Variants in VRTN observed in about 807,000 individuals in gnomAD.
VRTN encodes vertebrae development associated.
Under a neutral mutation model 18.2 loss-of-function variants are expected in VRTN, and 5 were observed. The observed-to-expected ratio is 0.27, with a 90% CI of 0.14 to 0.58. The LOEUF is 0.58. VRTN is among the 20% of genes least tolerant of loss of function. VRTN has a pLI of 0.91. For missense variants in VRTN, 741 were observed against 939.4 expected (o/e 0.79, Z 2.76); for synonymous variants, 381 against 393.7 (o/e 0.97, Z 0.38).
At chr14:74,326,583 C>CG (rs1391539505) in intron 1 of VRTN, among the ~76,000 whole-genome samples, 3 of 152,124 alleles carry the variant, frequency 2.0e-5, no homozygotes, top group Admixed American at 6.6e-5. Flanking sequence ...CTGCTGGCAG[C>CG]GGGGGCTCCA....
At chr14:74,303,557 A>T (rs1430926765) in intron 1 of VRTN, among the ~76,000 whole-genome samples, 3 of 152,224 alleles carry the variant, frequency 2.0e-5, no homozygotes, top group African/African-American at 7.2e-5. Context: ...TCTCAAAAAC[A>T]AATAAATAGA....
rs754465702 is a variant in VRTN, at chr14:74,357,698, G to A, written c.915G>A (p.Glu305=). The A allele has an allele frequency of 4.3e-6, 7 of 1,613,486 alleles. No individual in the cohort carries two copies. Among genetic ancestry groups the A allele is most frequent in the Non-Finnish European group, 5.1e-6 (6 of 1,180,010 alleles). The part of the protein sequence containing the change: ...TFYRWRRQSQ[E]HRQKVAARFS... ...ACCGCTGGCGGCGGCAGTCCCAGGA[G>A]CACCGGCAGAAGGTTGCTGCCCGCT... is the stretch of plus-strand genomic sequence containing the variant. The change falls in exon 2 of 2, where the codon GAG becomes GAA. Residue 305 remains glutamate (E), a synonymous_variant. Coordinates refer to ENST00000256362, the MANE Select transcript of VRTN (RefSeq NM_018228.3). The surrounding 1 kb of genome is among the most constrained non-coding windows in gnomAD (Gnocchi z 7.8).
chr14:74,343,229 C>T (rs566846403), intron 2 of VRTN, among the ~76,000 whole-genome samples: 146 of 152,108 alleles, frequency 9.6e-4, no homozygotes, highest in Non-Finnish European at 1.7e-3. Context: ...CAGGTTCAAG[C>T]GATTCTCCTG....
chr14:74,320,407 C>G (rs376649935), intron 1 of VRTN, among the ~76,000 whole-genome samples: 5 of 149,622 alleles, frequency 3.3e-5, no homozygotes, highest in Non-Finnish European at 5.9e-5. Flanking sequence ...ACTACAGGCG[C>G]CCGCCGCCAC....
chr14:74,316,242 G>T (rs975276083), intron 1 of VRTN, among the ~76,000 whole-genome samples: 2 of 152,142 alleles, frequency 1.3e-5, no homozygotes, highest in Admixed American at 1.3e-4. Context: ...ATGAGGCTGG[G>T]TGTGGTGGTT....
intron 1 of VRTN, among the ~76,000 whole-genome samples, chr14:74,310,533 GTTTTTTTT>G (rs71449187): frequency 8.1e-6 from 1 of 124,078 alleles, no homozygotes; most frequent in African/African-American, 3.0e-5. Flanking sequence ...TGCTGCCTCT[GTTTTTTTT>G]TTTTTTTTTT....
At position 74,330,180 on chromosome 14, in the gene VRTN, A is replaced by G. The variant is rs1442630267; in HGVS notation, c.-163-7543A>G. ...GTGAGCCACTGTGCCGGGCCTGGAA[A>G]GCATTTTTTAAATCTCCCCAGGTGT... On this transcript the variant is annotated intron_variant, in intron 1 of 2. Coordinates refer to the VRTN transcript ENST00000557177. Among the ~76,000 whole-genome samples, 5 of 151,900 alleles carry G rather than the reference A, an allele frequency of 3.3e-5. No individual in the cohort carries two copies. In the East Asian group the frequency reaches 7.8e-4, roughly 24 times the overall value.
intron 1 of VRTN, among the ~76,000 whole-genome samples, chr14:74,304,141 G>A (rs1392029109): frequency 1.3e-5 from 2 of 151,672 alleles, no homozygotes; most frequent in African/African-American, 4.8e-5. Flanking sequence ...GTGAGCCACC[G>A]CTCCTGGCCT....
chr14:74,330,644 C>T (rs1358980784), intron 1 of VRTN, among the ~76,000 whole-genome samples: 1 of 151,186 alleles, frequency 6.6e-6, no homozygotes, highest in Non-Finnish European at 1.5e-5. Flanking sequence ...TTTCTCCATG[C>T]TGGTCAGGCT....
chr14:74,340,607 A>T (rs2085598752), intron 2 of VRTN, among the ~76,000 whole-genome samples: 1 of 152,200 alleles, frequency 6.6e-6, no homozygotes, highest in African/African-American at 2.4e-5. Context: ...TGTAGACATC[A>T]TTGTATTCCT....
intron 1 of VRTN, among the ~76,000 whole-genome samples, chr14:74,323,346 G>A (rs1394068777): frequency 1.3e-5 from 2 of 152,078 alleles, no homozygotes; most frequent in African/African-American, 4.8e-5. Context: ...CACTTTGGGA[G>A]GCCGAGGCGG....
chr14:74,336,323 C>A (rs1416388184), intron 1 of VRTN, among the ~76,000 whole-genome samples: 2 of 152,000 alleles, frequency 1.3e-5, no homozygotes, highest in African/African-American at 4.8e-5. Context: ...AGGAGAATTG[C>A]TTGAACCTGG....
intron 1 of VRTN, among the ~76,000 whole-genome samples, chr14:74,335,515 C>T (rs1251530737): frequency 9.1e-5 from 3 of 33,128 alleles, no homozygotes; most frequent in African/African-American, 2.7e-4. Flanking sequence ...GTACTAAATG[C>T]CTGACTTGTA....
chr14:74,304,359 T>G (rs1198969463), intron 1 of VRTN, among the ~76,000 whole-genome samples: 3 of 152,110 alleles, frequency 2.0e-5, no homozygotes, highest in African/African-American at 7.2e-5. Context: ...TTTCTCCATG[T>G]TGGTCAGGCT....
At chr14:74,315,576 A>G (rs563000384) in intron 1 of VRTN, among the ~76,000 whole-genome samples, 12 of 152,344 alleles carry the variant, frequency 7.9e-5, no homozygotes, top group Admixed American at 5.9e-4. Context: ...GCATTTACTG[A>G]GTAACTACTC....
At chr14:74,333,974 A>G (rs894356817) in intron 1 of VRTN, among the ~76,000 whole-genome samples, 1 of 152,226 alleles carries the variant, frequency 6.6e-6, no homozygotes, top group African/African-American at 2.4e-5. Context: ...TAATGATTCT[A>G]TGAGGTTACT....
At chr14:74,317,795 CTG>C (rs1332747825) in intron 1 of VRTN, among the ~76,000 whole-genome samples, 1 of 151,648 alleles carries the variant, frequency 6.6e-6, no homozygotes, top group Non-Finnish European at 1.5e-5. Flanking sequence ...CAGTGAGACT[CTG>C]TCTCCAAAGA....
intron 1 of VRTN, among the ~76,000 whole-genome samples, chr14:74,333,947 A>G (rs896000286): frequency 6.6e-6 from 1 of 152,214 alleles, no homozygotes; most frequent in Non-Finnish European, 1.5e-5. Flanking sequence ...TACATGCACC[A>G]TCTTATTTAA....
upstream of VRTN, among the ~76,000 whole-genome samples, chr14:74,344,406 T>TAAAAA (rs2085628885): frequency 4.5e-5 from 1 of 22,404 alleles, no homozygotes; most frequent in Non-Finnish European, 7.0e-5. Context: ...CAAGACTGTC[T>TAAAAA]CAAAAAAAAA....
Sources: allele counts gnomAD v4.1 joint callset (sites outside exome capture counted in the v4.1 genomes callset), GRCh38; gene constraint gnomAD v4.1.1; non-coding constraint Gnocchi (gnomAD v3.1); transcripts MANE v1.5; gene names NCBI Gene and HGNC (gene_info 2026-07-23, HGNC 2026-07-21).